ATP1A3: variants seen among roughly 807,000 people sequenced by gnomAD.
ATP1A3 encodes the protein sodium/potassium-transporting ATPase subunit alpha-3.
In ATP1A3, 12 loss-of-function variants were observed where a neutral mutation model predicts 108.8. That is an observed-to-expected ratio of 0.11 (90% CI 0.07 to 0.18). The LOEUF is 0.18. ATP1A3 is among the 10% of genes least tolerant of loss of function. The pLI is 1.00. For missense variants in ATP1A3, 498 were observed against 1,387.7 expected (o/e 0.36, Z 10.19); for synonymous variants, 539 against 564.5 (o/e 0.95, Z 0.64).
chr19:41,989,058 G>T (rs113701485), intron 1 of ATP1A3, among the ~76,000 whole-genome samples: 1 of 151,968 alleles, frequency 6.6e-6, no homozygotes, highest in Non-Finnish European at 1.5e-5. Flanking sequence ...TCCCGCCTCC[G>T]CCTCCTGTGT....
rs781921420 is a variant in ATP1A3 at position 41,975,801 on chromosome 19, G to A, written c.2095-4C>T. The stretch of plus-strand genomic sequence containing the variant: ...CGGTCACAGCCACAATTGCACCCTG[G>A]AGGGAGAGAGGGTAAGGATGACACC... On this transcript the variant is annotated splice_polypyrimidine_tract_variant and splice_region_variant and intron_variant, in intron 15 of 22. Coordinates refer to ENST00000648268, the MANE Select transcript of ATP1A3 (RefSeq NM_152296.5). 8 of 1,613,988 alleles carry A rather than the reference G, an allele frequency of 5.0e-6. No individual in the cohort carries two copies. The highest frequency in any genetic ancestry group is 6.8e-6 in the Non-Finnish European group (8 of 1,179,952).
At chr19:41,974,265 G>A (rs1376510810) in intron 16 of ATP1A3, among the ~76,000 whole-genome samples, 4 of 151,992 alleles carry the variant, frequency 2.6e-5, no homozygotes, top group South Asian at 2.1e-4. Context: ...GCAACATGGC[G>A]AAACCCCATC....
rs1346519175 is a variant in ATP1A3, at chr19:41,985,796, G to A, written c.606+68C>T. On this transcript the variant is annotated intron_variant, in intron 6 of 22. Coordinates refer to ENST00000648268, the MANE Select transcript of ATP1A3 (RefSeq NM_152296.5). This position sits in a 1 kb window ranked among gnomAD's most constrained non-coding sequence, Gnocchi z 8.2. ...ACCTGGACTCCTGAGTGTGAGGGAGGAGGGGCTGGGCCTGAGCTCCTGGGC... is the reference window on the plus strand; with the variant it reads ...ACCTGGACTCCTGAGTGTGAGGGAGAAGGGGCTGGGCCTGAGCTCCTGGGC... 18 of 1,598,580 alleles carry A rather than the reference G, an allele frequency of 1.1e-5. No individual in the cohort carries two copies. The highest frequency in any genetic ancestry group is 9.4e-5 in the African/African-American group (7 of 74,634).
rs781999976 is a variant in ATP1A3 at position 41,978,588 on chromosome 19, C to T, written c.1630+18G>A. 1.2e-5 allele frequency: 19 copies of T among 1,611,854 alleles called. No homozygotes were observed. In the East Asian group the frequency reaches 1.6e-4, roughly 13 times the overall value. On this transcript the variant is annotated intron_variant, in intron 12 of 22. Coordinates refer to ENST00000648268, the MANE Select transcript of ATP1A3 (RefSeq NM_152296.5). The surrounding 1 kb of genome is among the most constrained non-coding windows in gnomAD (Gnocchi z 8.3). ...CTTGCCCTCCAGGGACCCCAGAGCC[C>T]GCCCGGCAGCCTCGCACCAAGCACG...
chr19:41,980,504 C>G (rs1162008670), intron 11 of ATP1A3, among the ~76,000 whole-genome samples: 1 of 152,104 alleles, frequency 6.6e-6, no homozygotes, highest in African/African-American at 2.4e-5. Context: ...ATTCCAGCTA[C>G]TCGGGAGGCT....
At position 41,981,840 on chromosome 19, in the gene ATP1A3, G is replaced by C; in HGVS notation, c.1193-9C>G. 6.2e-7 allele frequency: 1 copy of C among 1,614,230 alleles called. No homozygotes were observed. On this transcript the variant is annotated splice_polypyrimidine_tract_variant and intron_variant, in intron 9 of 22. Coordinates refer to ENST00000648268, the MANE Select transcript of ATP1A3 (RefSeq NM_152296.5). This position sits in a 1 kb window ranked among gnomAD's most constrained non-coding sequence, Gnocchi z 5.0. ...CTTGTCAAATGAGGTCCCTGGGGGAGGCATGTGTGAGGGCCAGGGACTCCT... is the reference window on the plus strand; with the variant it reads ...CTTGTCAAATGAGGTCCCTGGGGGACGCATGTGTGAGGGCCAGGGACTCCT...
At chr19:41,977,393 G>A (rs1326843343) in intron 14 of ATP1A3, among the ~76,000 whole-genome samples, 1 of 151,958 alleles carries the variant, frequency 6.6e-6, no homozygotes, top group Non-Finnish European at 1.5e-5. Context: ...AGCGGTATAA[G>A]CTGGAATGCA....
Position 41,971,437 on chromosome 19 carries a change from G to A in ATP1A3, c.2264-895C>T, listed in dbSNP as rs111457361. On this transcript the variant is annotated intron_variant, in intron 16 of 22. Coordinates refer to ENST00000648268, the MANE Select transcript of ATP1A3 (RefSeq NM_152296.5). ...GAGAGGAGGACTGTTTATGCCCAGC[G>A]AAAAGCAAGTACGAGAATGTTCACC... Among the ~76,000 whole-genome samples the A allele has an allele frequency of 4.2e-3, 637 of 152,228 alleles. 5 individuals are homozygous for A. The highest frequency in any genetic ancestry group is 0.014 in the African/African-American group (602 of 41,538).
intron 4 of ATP1A3, among the ~76,000 whole-genome samples, chr19:41,987,079 C>A (rs2075293970): frequency 6.6e-6 from 1 of 152,176 alleles, no homozygotes. Context: ...TGTCCTCCTG[C>A]ACATGTTGAG....
At chr19:41,973,458 G>C (rs1292926133) in intron 16 of ATP1A3, among the ~76,000 whole-genome samples, 2 of 152,108 alleles carry the variant, frequency 1.3e-5, no homozygotes, top group African/African-American at 4.8e-5. Context: ...GTCTTAATTT[G>C]TTGTACAGGC....
chr19:41,967,828 A>G lies in ATP1A3; in HGVS notation c.2820-65T>C. On this transcript the variant is annotated intron_variant, in intron 20 of 22. Transcript: ENST00000648268. The surrounding 1 kb of genome is among the most constrained non-coding windows in gnomAD (Gnocchi z 4.2). ...CCACCCTGCACCTGCCACCCCGCAGAGACAGGGGGAGGCACAGTGCAGACA... is the reference window on the plus strand; with the variant it reads ...CCACCCTGCACCTGCCACCCCGCAGGGACAGGGGGAGGCACAGTGCAGACA... 3 of 1,430,322 alleles carry G rather than the reference A, an allele frequency of 2.1e-6. No homozygotes were observed. Among genetic ancestry groups the G allele is most frequent in the African/African-American group, 1.4e-5 (1 of 71,204 alleles). The allele number at this position is 1,430,322 out of a possible 1,614,324, so 88.6% of individuals were successfully genotyped here. A position where few individuals can be genotyped will look rare whatever the true frequency, so the allele number is the denominator to read the frequency against.
intron 1 of ATP1A3, chr19:41,991,034 C>T (rs2075332981): frequency 6.6e-6 from 1 of 152,360 alleles, no homozygotes; most frequent in African/African-American, 2.4e-5. Flanking sequence ...AGGCAGAAGC[C>T]CTAGTCCTGG....
In ATP1A3 at chr19:41,968,941, G is replaced by A; in HGVS notation, c.2689-26C>T. 1 of 1,613,366 alleles carries A rather than the reference G, an allele frequency of 6.2e-7. No individual in the cohort carries two copies. Among genetic ancestry groups the A allele is most frequent in the Non-Finnish European group, 8.5e-7 (1 of 1,179,546 alleles). On this transcript the variant is annotated intron_variant, in intron 19 of 22. Coordinates refer to ENST00000648268, the MANE Select transcript of ATP1A3 (RefSeq NM_152296.5). The surrounding 1 kb of genome is among the most constrained non-coding windows in gnomAD (Gnocchi z 5.0). ...CTGCAGGAGCGGTGACCAGGGCACG[G>A]GACGTCAGTTAGTGGCACTGCAGCC...
intron 15 of ATP1A3, 55 bp downstream of exon 15, chr19:41,976,361 A>T (rs1267400940): frequency 2.5e-6 from 4 of 1,607,508 alleles, no homozygotes; most frequent in Non-Finnish European, 3.4e-6. Context: ...CCCCGGCCTC[A>T]GTGAGGACCC....
chr19:41,972,506 C>T (rs1303298689), intron 16 of ATP1A3, among the ~76,000 whole-genome samples: 2 of 151,934 alleles, frequency 1.3e-5, no homozygotes, highest in Non-Finnish European at 2.9e-5. Context: ...GTGGCAAACA[C>T]CTGTAATCCC....
chr19:41,968,777 G>C lies in ATP1A3; in HGVS notation c.2819+8C>G. On this transcript the variant is annotated splice_region_variant and intron_variant, in intron 20 of 22. Coordinates refer to ENST00000648268, the MANE Select transcript of ATP1A3 (RefSeq NM_152296.5). This position sits in a 1 kb window ranked among gnomAD's most constrained non-coding sequence, Gnocchi z 5.0. Reference sequence around the variant, plus strand: ...GCTGTCCAGTCACCATGTGCCCCCGGCCCTCACTTCATGCCCTGCTGGAAG... The same window carrying C: ...GCTGTCCAGTCACCATGTGCCCCCGCCCCTCACTTCATGCCCTGCTGGAAG... 6.2e-7 allele frequency: 1 copy of C among 1,613,838 alleles called. No individual in the cohort carries two copies. Among genetic ancestry groups the C allele is most frequent in the Non-Finnish European group, 8.5e-7 (1 of 1,179,784 alleles).
chr19:41,985,477 G>A lies in ATP1A3; in HGVS notation c.607-54C>T. 1.3e-6 allele frequency: 2 copies of A among 1,524,110 alleles called. No homozygotes were observed. Among genetic ancestry groups the A allele is most frequent in the Non-Finnish European group, 9.1e-7 (1 of 1,098,502 alleles). 94.4% of individuals were successfully genotyped at this position (1,524,110 alleles called of 1,614,324 possible). A position where few individuals can be genotyped will look rare whatever the true frequency, so the allele number is the denominator to read the frequency against. ...TCAGTCCAGGGCCTGGGACAGGAGG[G>A]TATTTGTGTACAGGGCTTGGGGCTG... On this transcript the variant is annotated intron_variant, in intron 6 of 22. Transcript: ENST00000648268. This position sits in a 1 kb window ranked among gnomAD's most constrained non-coding sequence, Gnocchi z 8.2.
chr19:41,986,023 C>T, intron 5 of ATP1A3, 25 bp from the exon 6 acceptor site: 1 of 1,614,128 alleles, frequency 6.2e-7, no homozygotes. Flanking sequence ...AGTAATGTCA[C>T]CTCCCAGACT....
At chr19:41,982,230 T>C in intron 8 of ATP1A3, 124 bp from the exon 9 acceptor site, 5 of 1,531,826 alleles carry the variant, frequency 3.3e-6, no homozygotes, top group Non-Finnish European at 4.5e-6. Context: ...TGGAAAAGAA[T>C]GAGGCAGCAC....
Sources: gnomAD v4.1 joint callset for allele counts (sites outside exome capture counted in the v4.1 genomes callset) on GRCh38, gnomAD v4.1.1 for gene constraint, Gnocchi (gnomAD v3.1) non-coding constraint, MANE v1.5 for transcripts, NCBI Gene and HGNC (gene_info 2026-07-23, HGNC 2026-07-21) for gene names.